The following WDR48 variants were observed in gnomAD, a reference collection of about 807,000 sequenced individuals.
WDR48 encodes the protein WD repeat-containing protein 48.
In WDR48, 22 loss-of-function variants were observed where a neutral mutation model predicts 94.0. The observed-to-expected ratio is 0.23, with a 90% CI of 0.17 to 0.33. The LOEUF (loss-of-function observed/expected upper bound fraction) is 0.33, where lower values mean the gene tolerates loss of function less well. WDR48 is among the 10% of genes least tolerant of loss of function. The pLI, the probability that WDR48 is intolerant of heterozygous loss-of-function variation, is 1.00. For missense variants in WDR48, 541 were observed against 813.8 expected (o/e 0.66, Z 4.08); for synonymous variants, 278 against 280.5 (o/e 0.99, Z 0.09).
intron 1 of WDR48, among the ~76,000 whole-genome samples, chr3:39,061,231 T>C (rs111528267): frequency 0.1 from 15,486 of 151,614 alleles, 1,025 homozygotes; most frequent in East Asian, 0.21. Flanking sequence ...GTATTTCTCC[T>C]AATGCTATCC....
Position 39,084,300 on chromosome 3 carries a change from T to C in WDR48, c.1281+38T>C, listed in dbSNP as rs563453065. 5.6e-6 allele frequency: 8 copies of C among 1,433,538 alleles called. 1 individual carries two copies. The African/African-American group carries it at 8.5e-5, about 15-fold the overall frequency. 88.8% of individuals were successfully genotyped at this position (1,433,538 alleles called of 1,614,324 possible). ...TTGATACTTGTATGATTTGGGATAA[T>C]TGAAGATTTTCATTATAGCTTATAA... On this transcript the variant is annotated intron_variant, in intron 12 of 18. Transcript: ENST00000302313.
intron 15 of WDR48, among the ~76,000 whole-genome samples, chr3:39,088,622 G>C (rs1268894236): frequency 6.6e-6 from 1 of 152,150 alleles, no homozygotes; most frequent in Non-Finnish European, 1.5e-5. Context: ...GGCTGATCCA[G>C]CCAAGATGAG....
intron 7 of WDR48, among the ~76,000 whole-genome samples, chr3:39,070,373 AT>A (rs993565074): frequency 3.3e-5 from 5 of 151,998 alleles, no homozygotes; most frequent in Admixed American, 1.3e-4. Context: ...TGACTCAGCC[AT>A]TTTTTTTCCA....
chr3:39,073,845 A>G (rs2034069069), intron 7 of WDR48, among the ~76,000 whole-genome samples: 2 of 152,154 alleles, frequency 1.3e-5, no homozygotes, highest in African/African-American at 4.8e-5. Context: ...TTTGTTTCTG[A>G]TTCCCGTCAG....
rs2035251565 is a variant in WDR48, at chr3:39,094,634, T to C, written c.1939-14T>C. The C allele has an allele frequency of 6.2e-7, 1 of 1,614,004 alleles. No individual in the cohort carries two copies. Among genetic ancestry groups the C allele is most frequent in the Non-Finnish European group, 8.5e-7 (1 of 1,180,016 alleles). Reference sequence around the variant, plus strand: ...GAGACTTTGAAATTTTTAAATTTAATTTTGGCTATTCAGGTTTTGGATCCA... The same window carrying C: ...GAGACTTTGAAATTTTTAAATTTAACTTTGGCTATTCAGGTTTTGGATCCA... On this transcript the variant is annotated splice_polypyrimidine_tract_variant and intron_variant, in intron 18 of 18. Transcript: ENST00000302313.
chr3:39,075,487 C>G (rs2034174402), intron 8 of WDR48, among the ~76,000 whole-genome samples: 1 of 152,106 alleles, frequency 6.6e-6, no homozygotes, highest in Non-Finnish European at 1.5e-5. Flanking sequence ...CAGGCTGCTT[C>G]ATACTCCAAA....
chr3:39,069,411 AGAGTAT>A (rs2033800326), intron 6 of WDR48, among the ~76,000 whole-genome samples: 1 of 152,376 alleles, frequency 6.6e-6, no homozygotes, highest in South Asian at 2.1e-4. Flanking sequence ...TGAATAAGTA[AGAGTAT>A]AACTATAACT....
In WDR48 at chr3:39,079,822, T is replaced by C. The variant is rs2034425211; in HGVS notation, c.1173+14T>C. The C allele has an allele frequency of 6.7e-7, 1 of 1,487,244 alleles. No homozygotes were observed. The highest frequency in any genetic ancestry group is 1.3e-5 in the South Asian group (1 of 75,068). The allele number at this position is 1,487,244 out of a possible 1,614,324, so 92.1% of individuals were successfully genotyped here. On this transcript the variant is annotated intron_variant, in intron 11 of 18. Transcript: ENST00000302313. Reference sequence around the variant, plus strand: ...GATGTATTGAAGGTGAGTATTTTTTTTGGGCTAAATATAGGTTGTTAGATT... The same window carrying C: ...GATGTATTGAAGGTGAGTATTTTTTCTGGGCTAAATATAGGTTGTTAGATT...
intron 7 of WDR48, among the ~76,000 whole-genome samples, chr3:39,071,954 A>T (rs2033960346): frequency 6.6e-6 from 1 of 152,236 alleles, no homozygotes; most frequent in African/African-American, 2.4e-5. Context: ...CTACTTACAG[A>T]TTCTTGAATT....
intron 11 of WDR48, among the ~76,000 whole-genome samples, chr3:39,081,829 G>C (rs2034549558): frequency 6.6e-6 from 1 of 152,226 alleles, no homozygotes; most frequent in African/African-American, 2.4e-5. Flanking sequence ...GTCTGAATGG[G>C]AGGTACTTCT....
At position 39,063,057 on chromosome 3, in the gene WDR48, A is replaced by G. The variant is rs771625308; in HGVS notation, c.56A>G (p.Tyr19Cys). The G allele has an allele frequency of 5.0e-6, 8 of 1,613,950 alleles. No individual in the cohort carries two copies. Among genetic ancestry groups the G allele is most frequent in the South Asian group, 1.1e-5 (1 of 91,082 alleles). The change falls in exon 2 of 19, where the codon TAT becomes TGT. Residue 19 changes from tyrosine to cysteine, a missense_variant. Around this residue, in one of 5 missense-constraint regions of WDR48, gnomAD observed 90 missense variants for 122.3 expected, o/e 0.74. Coordinates refer to ENST00000302313, the MANE Select transcript of WDR48 (RefSeq NM_020839.4). ...TAGRRKVQVSYVIRDEVEKYN... is the reference protein window; with the variant it reads ...TAGRRKVQVSCVIRDEVEKYN... ...TGTTGACACATTTGTCAGGTTTCCT[A>G]TGTTATTCGAGATGAAGTGGAGAAG...
intron 12 of WDR48, 33 bp from the exon 13 acceptor site, chr3:39,084,612 A>G: frequency 6.3e-7 from 1 of 1,578,630 alleles, no homozygotes; most frequent in African/African-American, 1.3e-5. Flanking sequence ...AATATATTCA[A>G]ATGGGATGCC....
intron 8 of WDR48, among the ~76,000 whole-genome samples, chr3:39,076,080 A>T (rs1269859224): frequency 1.3e-5 from 2 of 152,198 alleles, no homozygotes; most frequent in African/African-American, 4.8e-5. Flanking sequence ...AATGAGAAAC[A>T]GAACTGCAGA....
chr3:39,079,831 A>G, intron 11 of WDR48, 23 bp downstream of exon 11: 1 of 1,425,548 alleles, frequency 7.0e-7, no homozygotes, highest in Non-Finnish European at 9.4e-7. Context: ...TTTGGGCTAA[A>G]TATAGGTTGT....
At position 39,095,232 on chromosome 3, in the gene WDR48, C is replaced by G. The variant is rs1016873874; in HGVS notation, c.*489C>G. On this transcript the variant is annotated 3_prime_UTR_variant, in exon 19 of 19. Coordinates refer to ENST00000302313, the MANE Select transcript of WDR48 (RefSeq NM_020839.4). ...TATAAAGTAATCAAATTGTTTTCAC[C>G]GTTTAAGACAGTTATTTTTAATGGG... 1 of 155,714 alleles carries G rather than the reference C, an allele frequency of 6.4e-6. No homozygotes were observed. Among genetic ancestry groups the G allele is most frequent in the Non-Finnish European group, 1.4e-5 (1 of 69,980 alleles). The allele number at this position is 155,714 out of a possible 1,614,324, so 9.6% of individuals were successfully genotyped here.
At chr3:39,052,160 G>T in intron 1 of WDR48, 87 bp downstream of exon 1, 3 of 1,547,606 alleles carry the variant, frequency 1.9e-6, no homozygotes, top group Non-Finnish European at 2.7e-6. Context: ...GCCACGACCA[G>T]CTGGGGTAGC....
intron 17 of WDR48, among the ~76,000 whole-genome samples, chr3:39,092,876 TACACACACACACACAC>T (rs3033301): frequency 3.4e-5 from 5 of 145,964 alleles, no homozygotes; most frequent in African/African-American, 5.1e-5. Context: ...CATCTCTGTC[TACACACACACACACAC>T]ACACACACAC....
intron 13 of WDR48, among the ~76,000 whole-genome samples, chr3:39,085,175 C>T (rs1025922954): frequency 2.0e-5 from 3 of 151,346 alleles, no homozygotes; most frequent in African/African-American, 7.3e-5. Flanking sequence ...TGCAGTGAGC[C>T]GAGATTGCAC....
intron 1 of WDR48, chr3:39,052,595 C>T (rs1559590131): frequency 1.3e-5 from 2 of 155,608 alleles, no homozygotes; most frequent in South Asian, 3.6e-4. Context: ...TGGGAGCTGT[C>T]CCCTGGGTAG....
Sources: gnomAD v4.1 joint callset for allele counts (sites outside exome capture counted in the v4.1 genomes callset) on GRCh38, gnomAD v4.1.1 for gene constraint, gnomAD v4.1.1 regional missense constraint, MANE v1.5 for transcripts, NCBI Gene and HGNC (gene_info 2026-07-23, HGNC 2026-07-21) for gene names.